GLT1D1: variants seen among roughly 807,000 people sequenced by gnomAD.
GLT1D1 encodes the protein glycosyltransferase 1 domain containing 1, also known as glycosyltransferase 1 domain-containing protein 1.
In GLT1D1, 21 loss-of-function variants were observed where a neutral mutation model predicts 28.7. That is an observed-to-expected ratio of 0.73 (90% CI 0.52 to 1.05). GLT1D1 has a LOEUF of 1.05. Ranked by LOEUF, GLT1D1 falls within the 50% of genes least tolerant of loss-of-function variation. The pLI, the probability that GLT1D1 is intolerant of heterozygous loss-of-function variation, is 0.00. For missense variants in GLT1D1, 343 were observed against 330.6 expected (o/e 1.04, Z -0.29); for synonymous variants, 147 against 124.8 (o/e 1.18, Z -1.19).
At chr12:128,958,078 G>A (rs954002818) in intron 7 of GLT1D1, among the ~76,000 whole-genome samples, 8 of 152,320 alleles carry the variant, frequency 5.3e-5, no homozygotes, top group South Asian at 2.1e-4. Flanking sequence ...TGTGAATGTC[G>A]GGAAATAGAA....
Position 128,938,786 on chromosome 12 carries a change from G to C in GLT1D1, c.376-6540G>C, listed in dbSNP as rs535373501. Among the ~76,000 whole-genome samples, 5 of 152,302 alleles carry C rather than the reference G, an allele frequency of 3.3e-5. No individual in the cohort carries two copies. The South Asian group carries it at 1.0e-3, about 32-fold the overall frequency. ...TTAGCAAAATGTGTTTAGACCCTCTGCCTGTATCTTTGAATAAATGCTTAG... is the reference window on the plus strand; with the variant it reads ...TTAGCAAAATGTGTTTAGACCCTCTCCCTGTATCTTTGAATAAATGCTTAG... On this transcript the variant is annotated intron_variant, in intron 4 of 7. Coordinates refer to ENST00000281703, the MANE Select transcript of GLT1D1 (RefSeq NM_144669.3).
At chr12:128,865,274 C>T (rs1424876626) in intron 1 of GLT1D1, among the ~76,000 whole-genome samples, 8 of 152,172 alleles carry the variant, frequency 5.3e-5, no homozygotes, top group Non-Finnish European at 1.2e-4. Context: ...ATATAATACC[C>T]ACTGATGTTA....
intron 4 of GLT1D1, among the ~76,000 whole-genome samples, chr12:128,922,803 G>T (rs1328697750): frequency 6.6e-6 from 1 of 151,730 alleles, no homozygotes; most frequent in Non-Finnish European, 1.5e-5. Context: ...TGTGCCTGTA[G>T]TCTCAGCTAC....
chr12:128,979,421 G>A (rs1390779913), intron 7 of GLT1D1, among the ~76,000 whole-genome samples: 1 of 152,040 alleles, frequency 6.6e-6, no homozygotes, highest in Non-Finnish European at 1.5e-5. Flanking sequence ...GTGACTGTGG[G>A]ACTAAGGCCA....
At chr12:128,898,044 T>G (rs1428482958) in intron 3 of GLT1D1, among the ~76,000 whole-genome samples, 1 of 152,220 alleles carries the variant, frequency 6.6e-6, no homozygotes, top group African/African-American at 2.4e-5. Context: ...TATCTTTTTT[T>G]CACTGCCAAC....
intron 4 of GLT1D1, among the ~76,000 whole-genome samples, chr12:128,942,743 G>GTTTTT (rs1254764237): frequency 5.9e-5 from 6 of 100,878 alleles, no homozygotes; most frequent in South Asian, 3.6e-4. Flanking sequence ...TTGTTTGTTT[G>GTTTTT]TTTTTGTTTT....
chr12:128,923,186 G>A (rs2135909395), intron 4 of GLT1D1, among the ~76,000 whole-genome samples: 1 of 152,260 alleles, frequency 6.6e-6, no homozygotes, highest in East Asian at 1.9e-4. Flanking sequence ...TCTTGTTCAA[G>A]ATTTGGAATA....
At position 128,984,851 on chromosome 12, in the gene GLT1D1, C is replaced by T. The variant is rs146790745; in HGVS notation, c.*1761C>T. On this transcript the variant is annotated 3_prime_UTR_variant, in exon 8 of 8. Transcript: ENST00000281703. ...TGACCCTGTAGATGCCTGACCTCCA[C>T]CGTACCTCCACATCACTATTCATGT... is the stretch of plus-strand genomic sequence containing the variant. The T allele has an allele frequency of 6.6e-6, 1 of 152,388 alleles. No individual in the cohort carries two copies. Among genetic ancestry groups the T allele is most frequent in the Non-Finnish European group, 1.5e-5 (1 of 68,052 alleles). The allele number at this position is 152,388 out of a possible 1,614,324, so 9.4% of individuals were successfully genotyped here.
At chr12:128,914,457 G>T (rs186665266) in intron 4 of GLT1D1, among the ~76,000 whole-genome samples, 1 of 152,124 alleles carries the variant, frequency 6.6e-6, no homozygotes, top group African/African-American at 2.4e-5. Context: ...AAGGATTCAT[G>T]GGACTTCAGT....
At chr12:128,897,935 G>A (rs1417352384) in intron 3 of GLT1D1, among the ~76,000 whole-genome samples, 1 of 152,172 alleles carries the variant, frequency 6.6e-6, no homozygotes. Flanking sequence ...CCAAAGTGCT[G>A]GGATTACAGG....
chr12:128,869,277 C>T (rs111327083), intron 1 of GLT1D1, among the ~76,000 whole-genome samples: 1,934 of 152,286 alleles, frequency 0.013, 43 homozygotes, highest in African/African-American at 0.043. Context: ...AGCCATCCTC[C>T]CACCTCAGCT....
At chr12:128,879,368 A>ATT (rs1956949036) in intron 2 of GLT1D1, among the ~76,000 whole-genome samples, 4 of 115,940 alleles carry the variant, frequency 3.5e-5, no homozygotes, top group Non-Finnish European at 7.2e-5. Flanking sequence ...GATACTTATT[A>ATT]TTTTTTTCTT....
chr12:128,921,015 G>A (rs983109023), intron 4 of GLT1D1, among the ~76,000 whole-genome samples: 5 of 152,066 alleles, frequency 3.3e-5, no homozygotes, highest in African/African-American at 9.7e-5. Flanking sequence ...AAGCTGTCAG[G>A]GGCTTTAGGG....
chr12:128,945,160 G>A, intron 4 of GLT1D1, 166 bp from the exon 9 acceptor site: 3 of 766,924 alleles, frequency 3.9e-6, no homozygotes, highest in Non-Finnish European at 7.0e-6. Flanking sequence ...GCCCGAGCCG[G>A]GGGCCCCCAT....
At chr12:128,941,588 T>C (rs1281536542) in intron 4 of GLT1D1, among the ~76,000 whole-genome samples, 2 of 149,460 alleles carry the variant, frequency 1.3e-5, no homozygotes, top group Non-Finnish European at 3.0e-5. Context: ...TTTTTTTTTT[T>C]TTGAGACAGA....
At chr12:128,896,575 CTTTTTTT>C (rs60875245) in intron 3 of GLT1D1, among the ~76,000 whole-genome samples, 2 of 105,098 alleles carry the variant, frequency 1.9e-5, no homozygotes, top group Non-Finnish European at 1.9e-5. Flanking sequence ...ATGACACATA[CTTTTTTT>C]TTTTTTTTTT....
At chr12:128,982,824 G>A (rs759847534) in intron 7 of GLT1D1, 105 bp from the exon 12 acceptor site, 15 of 1,021,768 alleles carry the variant, frequency 1.5e-5, no homozygotes, top group Middle Eastern at 4.2e-4. Flanking sequence ...CCAGGAGGCA[G>A]ACAAGGGCAA....
At chr12:128,982,651 G>A (rs1005379617) in intron 7 of GLT1D1, among the ~76,000 whole-genome samples, 2 of 152,010 alleles carry the variant, frequency 1.3e-5, no homozygotes, top group East Asian at 1.9e-4. Flanking sequence ...AGTATTTTTC[G>A]TGATGTTCAT....
chr12:128,854,792 C>T (rs761280681), intron 1 of GLT1D1, among the ~76,000 whole-genome samples: 1 of 152,132 alleles, frequency 6.6e-6, no homozygotes, highest in African/African-American at 2.4e-5. Flanking sequence ...CCACTGTGCC[C>T]GGCCTCCTCA....
Sources: gnomAD v4.1 joint callset for allele counts (sites outside exome capture counted in the v4.1 genomes callset) on GRCh38, gnomAD v4.1.1 for gene constraint, MANE v1.5 for transcripts, NCBI Gene and HGNC (gene_info 2026-07-23, HGNC 2026-07-21) for gene names.